The following TNIP3 variants were observed in gnomAD, a reference collection of about 807,000 sequenced individuals.
TNIP3 encodes the protein TNFAIP3-interacting protein 3.
TNIP3 carries 34 observed loss-of-function variants against 54.1 expected under a neutral mutation model. That is an observed-to-expected ratio of 0.63 (90% confidence interval 0.48 to 0.84). The LOEUF is 0.84. TNIP3 is among the 40% of genes least tolerant of loss of function. The probability of loss-of-function intolerance (pLI) is 0.00; values close to 1 mark genes in which losing one functional copy is unlikely to be tolerated. For synonymous variants in TNIP3, 134 were observed against 136.8 expected (o/e 0.98, Z 0.14); for missense variants, 366 against 387.6 (o/e 0.94, Z 0.47).
chr4:121,200,000 G>C (rs565946823), intron 2 of TNIP3, among the ~76,000 whole-genome samples: 5 of 152,134 alleles, frequency 3.3e-5, no homozygotes, highest in Non-Finnish European at 7.4e-5. Flanking sequence ...ACACAAGCTA[G>C]CATTGTCCTG....
chr4:121,142,746 G>T lies in TNIP3; in HGVS notation c.766C>A (p.Leu256Ile). ...CATACCTGTTTTAATTGCTTTTCTAGTTTTTCTTTCTCCATCTGACAAGCT... is the reference window on the plus strand; with the variant it reads ...CATACCTGTTTTAATTGCTTTTCTATTTTTTCTTTCTCCATCTGACAAGCT... ...IKACQMEKEK[L>I]EKQLKQMYCP... The change falls in exon 8 of 11, where the codon CTA becomes ATA. Residue 256 changes from leucine to isoleucine, a missense_variant. Coordinates refer to ENST00000057513, the MANE Select transcript of TNIP3 (RefSeq NM_024873.6). The T allele has an allele frequency of 6.2e-7, 1 of 1,612,208 alleles. No homozygotes were observed. The highest frequency in any genetic ancestry group is 1.1e-5 in the South Asian group (1 of 90,960).
chr4:121,176,549 TGATGA>T (rs1724360471), intron 3 of TNIP3, among the ~76,000 whole-genome samples: 1 of 151,724 alleles, frequency 6.6e-6, no homozygotes, highest in African/African-American at 2.4e-5. Context: ...ATGATGATGA[TGATGA>T]TAGTGTTGTG....
At chr4:121,226,502 G>A (rs1314798435) in intron 1 of TNIP3, among the ~76,000 whole-genome samples, 6 of 152,224 alleles carry the variant, frequency 3.9e-5, no homozygotes, top group African/African-American at 1.4e-4. Context: ...GTCTGTGCAT[G>A]CAGTGCCACT....
chr4:121,163,530 C>A (rs944651553), intron 1 of TNIP3, among the ~76,000 whole-genome samples: 2 of 152,080 alleles, frequency 1.3e-5, no homozygotes, highest in Non-Finnish European at 2.9e-5. Context: ...AACATCCTTA[C>A]CAATGTATAT....
Position 121,164,184 on chromosome 4 carries a change from T to C in TNIP3, c.-59A>G. ...AAAGAAAAACAGGGGAAAAGTCTCT[T>C]AAGGTATATTTTAGGGTGAGAGCAA... On this transcript the variant is annotated 5_prime_UTR_variant, in exon 1 of 11. Transcript: ENST00000057513. The C allele has an allele frequency of 6.2e-7, 1 of 1,612,126 alleles. No homozygotes were observed. Among genetic ancestry groups the C allele is most frequent in the South Asian group, 1.1e-5 (1 of 90,980 alleles).
chr4:121,216,170 C>T (rs1374034725), intron 2 of TNIP3, among the ~76,000 whole-genome samples: 1 of 152,124 alleles, frequency 6.6e-6, no homozygotes. Flanking sequence ...TTTACAAATA[C>T]TTTAAAAATC....
intron 10 of TNIP3, among the ~76,000 whole-genome samples, chr4:121,135,300 A>T (rs1237437961): frequency 2.6e-5 from 4 of 152,232 alleles, no homozygotes; most frequent in Non-Finnish European, 5.9e-5. Context: ...CAGGCCCCAG[A>T]AATGTTAGAG....
chr4:121,153,907 T>G (rs1173628916), intron 5 of TNIP3, among the ~76,000 whole-genome samples: 1 of 152,192 alleles, frequency 6.6e-6, no homozygotes, highest in East Asian at 1.9e-4. Context: ...ACATATGGGT[T>G]GGCTCTTGGA....
At chr4:121,166,511 A>G (rs2148818593), upstream of TNIP3, among the ~76,000 whole-genome samples, 1 of 152,356 alleles carries the variant, frequency 6.6e-6, no homozygotes, top group South Asian at 2.1e-4. Context: ...TCAGAGAAAC[A>G]GAGGTGTCAT....
intron 2 of TNIP3, 35 bp from the exon 3 acceptor site, chr4:121,158,787 A>T (rs761300566): frequency 1.9e-5 from 30 of 1,541,062 alleles, no homozygotes; most frequent in Non-Finnish European, 2.7e-5. Flanking sequence ...TCAACAAAGA[A>T]TTTCTGCCCA....
upstream of TNIP3, among the ~76,000 whole-genome samples, chr4:121,217,905 GT>G (rs1205595216): frequency 1.3e-5 from 2 of 152,150 alleles, no homozygotes; most frequent in Non-Finnish European, 2.9e-5. Context: ...ATCTGACACT[GT>G]GGAGAACACG....
intron 2 of TNIP3, chr4:121,192,768 T>C (rs1161041893): frequency 1.3e-5 from 2 of 152,214 alleles, no homozygotes; most frequent in African/African-American, 4.8e-5. Context: ...ACTCATTTCC[T>C]TTGTCTCATT....
At chr4:121,221,075 T>C (rs563864366), upstream of TNIP3, among the ~76,000 whole-genome samples, 18 of 152,342 alleles carry the variant, frequency 1.2e-4, no homozygotes, top group Non-Finnish European at 2.5e-4. Flanking sequence ...GCAATTCTCA[T>C]GGCCTTTTGC....
intron 2 of TNIP3, among the ~76,000 whole-genome samples, chr4:121,199,648 G>A (rs1298288836): frequency 6.6e-6 from 1 of 152,196 alleles, no homozygotes; most frequent in African/African-American, 2.4e-5. Flanking sequence ...AGAATAGTGT[G>A]TGCACCAAGC....
intron 4 of TNIP3, among the ~76,000 whole-genome samples, chr4:121,156,540 T>C (rs1430236009): frequency 1.3e-5 from 2 of 152,174 alleles, no homozygotes; most frequent in Non-Finnish European, 2.9e-5. Flanking sequence ...TCATTTTTAA[T>C]ATAGCAAAAA....
At chr4:121,170,943 G>A (rs1731032567) in intron 3 of TNIP3, among the ~76,000 whole-genome samples, 2 of 152,070 alleles carry the variant, frequency 1.3e-5, no homozygotes, top group Non-Finnish European at 2.9e-5. Flanking sequence ...CGCCTCCCGA[G>A]TAGCTGGGAT....
At position 121,138,631 on chromosome 4, in the gene TNIP3, C is replaced by T. The variant is rs1243335519; in HGVS notation, c.939G>A (p.Lys313=). 3.1e-6 allele frequency: 5 copies of T among 1,613,936 alleles called. No individual in the cohort carries two copies. Among genetic ancestry groups the T allele is most frequent in the Non-Finnish European group, 3.4e-6 (4 of 1,179,842 alleles). ...LDQLPPDVQH[K]ANGLSSVKKV... is the part of the protein sequence containing the mutation. ...ATACAGCTGTGGTCTCACCATTTGC[C>T]TTGTGTTGTACATCTGGCGGAAGCT... The change falls in exon 10 of 11, where the codon AAG becomes AAA. Residue 313 remains lysine, a synonymous_variant. Transcript: ENST00000057513.
At chr4:121,225,463 G>A (rs779955950) in intron 1 of TNIP3, among the ~76,000 whole-genome samples, 8 of 152,024 alleles carry the variant, frequency 5.3e-5, no homozygotes, top group Non-Finnish European at 8.8e-5. Context: ...GGATGTACAC[G>A]TGAAAAGTGA....
At chr4:121,215,402 A>G (rs558142536) in intron 2 of TNIP3, among the ~76,000 whole-genome samples, 1 of 152,352 alleles carries the variant, frequency 6.6e-6, no homozygotes, top group African/African-American at 2.4e-5. Context: ...AAACAGAAAT[A>G]TTGGCCTGTA....
Sources: gnomAD v4.1 joint callset for allele counts (sites outside exome capture counted in the v4.1 genomes callset) on GRCh38, gnomAD v4.1.1 for gene constraint, MANE v1.5 for transcripts, NCBI Gene and HGNC (gene_info 2026-07-23, HGNC 2026-07-21) for gene names.